CCDC191: variants seen among roughly 807,000 people sequenced by gnomAD.
The protein encoded by CCDC191 is coiled-coil domain-containing protein 191.
CCDC191 carries 99 observed loss-of-function variants against 114.0 expected under a neutral mutation model. The ratio of observed to expected loss-of-function variants is 0.87; its 90% CI spans 0.74 to 1.03. The LOEUF is 1.03. Ranked by LOEUF, CCDC191 falls within the 50% of genes least tolerant of loss-of-function variation. The pLI is 0.00. For missense variants in CCDC191, 973 were observed against 1,087.0 expected (o/e 0.90, Z 1.47); for synonymous variants, 351 against 376.0 (o/e 0.93, Z 0.77).
intron 16 of CCDC191, among the ~76,000 whole-genome samples, chr3:113,977,591 GA>G (rs1358256136): frequency 3.3e-5 from 5 of 152,062 alleles, no homozygotes; most frequent in Non-Finnish European, 1.5e-5. Context: ...TCCAAACCAG[GA>G]AAAACTATAG....
chr3:114,031,553 T>C (rs979817134), intron 7 of CCDC191, 73 bp downstream of exon 7: 1 of 1,264,026 alleles, frequency 7.9e-7, no homozygotes, highest in African/African-American at 1.5e-5. Context: ...GTTTTTATTT[T>C]ATCCCATCTC....
chr3:114,007,140 G>A (rs2075985280), intron 9 of CCDC191, among the ~76,000 whole-genome samples: 1 of 152,114 alleles, frequency 6.6e-6, no homozygotes, highest in Non-Finnish European at 1.5e-5. Flanking sequence ...TATACAGAGG[G>A]GAAGGAAACA....
intron 8 of CCDC191, among the ~76,000 whole-genome samples, chr3:114,014,843 T>TAA (rs2076132582): frequency 6.6e-6 from 1 of 152,134 alleles, no homozygotes; most frequent in Admixed American, 6.6e-5. Flanking sequence ...GCAATTGTGT[T>TAA]AAATATTTGG....
Position 114,011,004 on chromosome 3 carries a change from G to A in CCDC191, c.1181C>T (p.Thr394Ile). 6.2e-7 allele frequency: 1 copy of A among 1,611,546 alleles called. No individual in the cohort carries two copies. The highest frequency in any genetic ancestry group is 1.1e-5 in the South Asian group (1 of 90,952). The change falls in exon 9 of 17, where the codon ACT (threonine) becomes ATT (isoleucine). Residue 394 changes from threonine to isoleucine, a missense_variant. By Grantham distance (89) the Thr-to-Ile change is moderately conservative. Transcript: ENST00000295878. ...GAGAACTTGTTTCCGGTTATACTCA[G>A]TGGCCAGTTGTTGTTTTCTAAGCAA... ...REENRKQQLATEYNRKQVLRH... is the reference protein window; with the variant it reads ...REENRKQQLAIEYNRKQVLRH...
intron 1 of CCDC191, among the ~76,000 whole-genome samples, chr3:114,054,592 G>C (rs992056828): frequency 2.0e-5 from 3 of 152,162 alleles, no homozygotes; most frequent in Non-Finnish European, 4.4e-5. Context: ...AGCCGAGATT[G>C]CACCACTGCG....
intron 13 of CCDC191, 66 bp downstream of exon 13, chr3:114,001,529 T>C (rs563715225): frequency 1.5e-5 from 24 of 1,570,462 alleles, no homozygotes; most frequent in Middle Eastern, 1.7e-4. Flanking sequence ...AGAAGGTGGA[T>C]AGGGCCACAG....
rs192065949 is a variant in CCDC191 at position 114,005,447 on chromosome 3, G to A, written c.1868+61C>T. On this transcript the variant is annotated intron_variant, in intron 10 of 16. Coordinates refer to ENST00000295878, the MANE Select transcript of CCDC191 (RefSeq NM_020817.2). ...CTCAGAAGCAGGGCAAAGAAGCTCA[G>A]GAGCCCAAAGTGAAAAACCCCTTAA... 2.0e-6 allele frequency: 3 copies of A among 1,477,054 alleles called. No individual in the cohort carries two copies. In the African/African-American group the frequency reaches 4.2e-5, roughly 21 times the overall value. 91.5% of individuals were successfully genotyped at this position (1,477,054 alleles called of 1,614,324 possible).
At chr3:114,036,833 A>T (rs2107737034) in intron 4 of CCDC191, 47 bp from the exon 5 acceptor site, 2 of 1,253,312 alleles carry the variant, frequency 1.6e-6, no homozygotes, top group South Asian at 3.5e-5. Flanking sequence ...TAAAAAATTA[A>T]TTTTAGTATT....
intron 6 of CCDC191, among the ~76,000 whole-genome samples, chr3:114,033,331 T>C (rs1445632674): frequency 6.6e-6 from 1 of 152,196 alleles, no homozygotes; most frequent in Non-Finnish European, 1.5e-5. Flanking sequence ...ACTTAGCAAT[T>C]TCTCCAATAT....
At chr3:113,968,619 G>GT (rs1194856272) in intron 16 of CCDC191, among the ~76,000 whole-genome samples, 64 of 145,320 alleles carry the variant, frequency 4.4e-4, no homozygotes, top group Non-Finnish European at 7.6e-4. Flanking sequence ...CTGGCTAATA[G>GT]TTTTTTGTTT....
intron 11 of CCDC191, chr3:114,002,957 C>A: frequency 2.0e-6 from 2 of 984,784 alleles, no homozygotes; most frequent in Non-Finnish European, 1.2e-6. Flanking sequence ...CCTATTGAAT[C>A]TGCTAATTTT....
chr3:114,029,020 G>GA (rs2076365716), intron 7 of CCDC191, among the ~76,000 whole-genome samples: 1 of 151,632 alleles, frequency 6.6e-6, no homozygotes, highest in Non-Finnish European at 1.5e-5. Flanking sequence ...AGGCGGCCTA[G>GA]AAAAAAATGA....
chr3:114,042,279 A>G (rs542824284), intron 4 of CCDC191, among the ~76,000 whole-genome samples: 2 of 152,328 alleles, frequency 1.3e-5, no homozygotes, highest in Admixed American at 1.3e-4. Flanking sequence ...AAAAATAACA[A>G]TACAACAATA....
rs533321440 is a variant in CCDC191 at position 113,964,940 on chromosome 3, T to C, written c.*215A>G. 53 of 374,848 alleles carry C rather than the reference T, an allele frequency of 1.4e-4. No homozygotes were observed. The Admixed American group carries it at 2.1e-3, about 15-fold the overall frequency. The allele number at this position is 374,848 out of a possible 1,614,324, so 23.2% of individuals were successfully genotyped here. ...AACAGACGATCTCTAGAATGTTCCT[T>C]TGGATGATCCCACTGTGATAAATGC... On this transcript the variant is annotated 3_prime_UTR_variant, in exon 17 of 17. Coordinates refer to ENST00000295878, the MANE Select transcript of CCDC191 (RefSeq NM_020817.2).
intron 8 of CCDC191, among the ~76,000 whole-genome samples, chr3:114,011,648 A>C (rs983148150): frequency 6.6e-6 from 1 of 152,196 alleles, no homozygotes; most frequent in Non-Finnish European, 1.5e-5. Flanking sequence ...AGATGTGTAA[A>C]GGGCAAAGGC....
intron 16 of CCDC191, among the ~76,000 whole-genome samples, chr3:113,972,751 T>C (rs1309951580): frequency 1.3e-5 from 2 of 152,184 alleles, no homozygotes; most frequent in African/African-American, 4.8e-5. Flanking sequence ...GTTGAGTGCA[T>C]AGATATTTAT....
chr3:113,999,589 G>C (rs1467999288), intron 13 of CCDC191, among the ~76,000 whole-genome samples: 1 of 152,164 alleles, frequency 6.6e-6, no homozygotes, highest in Non-Finnish European at 1.5e-5. Context: ...TGAAGGTTTG[G>C]GTCACCTGTT....
intron 8 of CCDC191, among the ~76,000 whole-genome samples, chr3:114,015,659 T>C (rs1464599989): frequency 6.6e-6 from 1 of 152,220 alleles, no homozygotes; most frequent in Non-Finnish European, 1.5e-5. Context: ...TACCACCATG[T>C]CAAATGGTCT....
In CCDC191 at chr3:114,002,281, C is replaced by A. The variant is rs75313039; in HGVS notation, c.2061+175G>T. Among the ~76,000 whole-genome samples the A allele has an allele frequency of 1.4e-4, 22 of 152,260 alleles. No individual in the cohort carries two copies. The East Asian group carries it at 4.2e-3, about 29-fold the overall frequency. Reference sequence around the variant, plus strand: ...GTGTTAATGATGTTGATGTTTCTGTCCCCCTTATTTTCCTAAAATTGTCAC... The same window carrying A: ...GTGTTAATGATGTTGATGTTTCTGTACCCCTTATTTTCCTAAAATTGTCAC... On this transcript the variant is annotated intron_variant, in intron 12 of 16. Coordinates refer to ENST00000295878, the MANE Select transcript of CCDC191 (RefSeq NM_020817.2).
Sources: allele counts gnomAD v4.1 joint callset (sites outside exome capture counted in the v4.1 genomes callset), GRCh38; gene constraint gnomAD v4.1.1; transcripts MANE v1.5; gene names NCBI Gene and HGNC (gene_info 2026-07-23, HGNC 2026-07-21).